EDIL3: variants seen among roughly 807,000 people sequenced by gnomAD.
EDIL3 encodes EGF-like repeat and discoidin I-like domain-containing protein 3.
Under a neutral mutation model 67.4 loss-of-function variants are expected in EDIL3, and 37 were observed. The observed-to-expected ratio is 0.55, with a 90% CI of 0.42 to 0.72. EDIL3 has a LOEUF of 0.72. Ranked by LOEUF, EDIL3 falls within the 30% of genes least tolerant of loss-of-function variation. The pLI is 0.00. For synonymous variants in EDIL3, 195 were observed against 196.3 expected (o/e 0.99, Z 0.05); for missense variants, 527 against 586.3 (o/e 0.90, Z 1.04).
At chr5:84,068,237 CT>C (rs1441769682) in intron 6 of EDIL3, among the ~76,000 whole-genome samples, 2 of 151,046 alleles carry the variant, frequency 1.3e-5, no homozygotes, top group African/African-American at 2.4e-5. Flanking sequence ...ATGACATTTT[CT>C]TTTTTTTTAA....
chr5:84,234,152 T>C (rs2112048544), intron 2 of EDIL3, among the ~76,000 whole-genome samples: 1 of 152,328 alleles, frequency 6.6e-6, no homozygotes, highest in Middle Eastern at 3.4e-3. Context: ...AGACCAGAAG[T>C]ACACACAGCC....
chr5:84,132,604 T>A (rs1355073387), intron 5 of EDIL3, among the ~76,000 whole-genome samples: 1 of 119,120 alleles, frequency 8.4e-6, no homozygotes. Flanking sequence ...TTAATATATA[T>A]TATATAAATA....
chr5:83,964,977 G>T (rs1426079918), intron 9 of EDIL3, among the ~76,000 whole-genome samples: 1 of 151,920 alleles, frequency 6.6e-6, no homozygotes, highest in Non-Finnish European at 1.5e-5. Context: ...AACCAAGGTA[G>T]GATATTAATT....
At chr5:84,273,604 C>T (rs902428725) in intron 1 of EDIL3, among the ~76,000 whole-genome samples, 1 of 152,202 alleles carries the variant, frequency 6.6e-6, no homozygotes, top group Non-Finnish European at 1.5e-5. Flanking sequence ...ATGAAATCTA[C>T]TTGAATAGTG....
At chr5:84,362,206 T>C (rs1419147938) in intron 1 of EDIL3, among the ~76,000 whole-genome samples, 5 of 152,156 alleles carry the variant, frequency 3.3e-5, no homozygotes, top group Admixed American at 2.0e-4. Flanking sequence ...TTACACACCT[T>C]TGTTATTAGT....
At chr5:84,267,465 T>C (rs1745372590) in intron 1 of EDIL3, among the ~76,000 whole-genome samples, 1 of 152,216 alleles carries the variant, frequency 6.6e-6, no homozygotes, top group East Asian at 1.9e-4. Flanking sequence ...GTAGCGCAGA[T>C]ACCAGAATAG....
intron 9 of EDIL3, among the ~76,000 whole-genome samples, chr5:83,987,869 G>GTGTATATATATA (rs1418733698): frequency 7.2e-6 from 1 of 138,426 alleles, no homozygotes; most frequent in Admixed American, 7.1e-5. Flanking sequence ...GTGTGTGTAT[G>GTGTATATATATA]TATATATATA....
At chr5:84,137,394 T>A (rs1748112529) in intron 4 of EDIL3, 40 bp from the exon 5 acceptor site, 1 of 1,541,888 alleles carries the variant, frequency 6.5e-7, no homozygotes, top group Non-Finnish European at 8.9e-7. Context: ...GAATTATTGG[T>A]AAAAAATGAT....
chr5:84,206,611 C>G (rs1743984708), intron 3 of EDIL3, among the ~76,000 whole-genome samples: 1 of 152,096 alleles, frequency 6.6e-6, no homozygotes, highest in African/African-American at 2.4e-5. Context: ...AATTTTAGAC[C>G]AATATCCTTG....
chr5:84,023,361 T>C (rs376916613), intron 9 of EDIL3, among the ~76,000 whole-genome samples: 2 of 152,066 alleles, frequency 1.3e-5, no homozygotes, highest in African/African-American at 4.8e-5. Flanking sequence ...GTATACATCA[T>C]AAACAATGTA....
In EDIL3 at chr5:84,222,223, A is replaced by C. The variant is rs536727429; in HGVS notation, c.226+7632T>G. Among the ~76,000 whole-genome samples, 3 of 152,090 alleles carry C rather than the reference A, an allele frequency of 2.0e-5. No homozygotes were observed. In the South Asian group the frequency reaches 6.2e-4, roughly 31 times the overall value. ...TTTCCTGTATGTATACACAAAATAC[A>C]TATTTGTTTTATGAATGACTTTTAA... On this transcript the variant is annotated intron_variant, in intron 3 of 10. Transcript: ENST00000296591.
chr5:83,985,382 C>CT (rs1213424713), intron 9 of EDIL3, among the ~76,000 whole-genome samples: 2 of 151,988 alleles, frequency 1.3e-5, no homozygotes, highest in African/African-American at 4.8e-5. Context: ...TTTAAAGACT[C>CT]TAATTCTTTT....
chr5:84,311,518 T>A (rs1355862869), intron 1 of EDIL3, among the ~76,000 whole-genome samples: 1 of 151,990 alleles, frequency 6.6e-6, no homozygotes, highest in Non-Finnish European at 1.5e-5. Context: ...TTGGTTGTAA[T>A]CTGTATCTTA....
At chr5:83,963,546 TGTA>T (rs1425202791) in intron 9 of EDIL3, among the ~76,000 whole-genome samples, 186 bp from the exon 10 acceptor site, 3 of 151,804 alleles carry the variant, frequency 2.0e-5, no homozygotes, top group Admixed American at 2.0e-4. Flanking sequence ...ACTGGGTTAA[TGTA>T]GTGCAAGACT....
At chr5:84,178,867 G>A (rs894347940) in intron 4 of EDIL3, among the ~76,000 whole-genome samples, 4 of 152,152 alleles carry the variant, frequency 2.6e-5, no homozygotes, top group African/African-American at 9.7e-5. Context: ...AAATCTTGTT[G>A]TGGGGGTGGT....
At chr5:83,988,691 C>A (rs1007030103) in intron 9 of EDIL3, among the ~76,000 whole-genome samples, 1 of 152,042 alleles carries the variant, frequency 6.6e-6, no homozygotes, top group Non-Finnish European at 1.5e-5. Context: ...CAAATGAGAG[C>A]GGTATGAAAA....
At chr5:84,176,197 T>TATAA (rs2061865768) in intron 4 of EDIL3, among the ~76,000 whole-genome samples, 1 of 106,664 alleles carries the variant, frequency 9.4e-6, no homozygotes, top group African/African-American at 5.1e-5. Flanking sequence ...TATATATATA[T>TATAA]AATATATATA....
chr5:84,383,932 C>A (rs1400530041), intron 1 of EDIL3, among the ~76,000 whole-genome samples: 1 of 152,130 alleles, frequency 6.6e-6, no homozygotes, highest in Non-Finnish European at 1.5e-5. Context: ...CCCGCCCGCA[C>A]GAAAGCCCTG....
chr5:84,323,542 A>C (rs1451665619), intron 1 of EDIL3, among the ~76,000 whole-genome samples: 1 of 151,934 alleles, frequency 6.6e-6, no homozygotes, highest in Non-Finnish European at 1.5e-5. Flanking sequence ...CAAACAGAAA[A>C]ATTACAGAAA....
Sources: gnomAD v4.1 joint callset for allele counts (sites outside exome capture counted in the v4.1 genomes callset) on GRCh38, gnomAD v4.1.1 for gene constraint, MANE v1.5 for transcripts, NCBI Gene and HGNC (gene_info 2026-07-23, HGNC 2026-07-21) for gene names.